Variants in TEX9 observed in about 807,000 individuals in gnomAD.
TEX9 encodes testis-expressed protein 9.
In TEX9, 74 loss-of-function variants were observed where a neutral mutation model predicts 59.6. The ratio of observed to expected loss-of-function variants is 1.24; its 90% CI spans 1.03 to 1.51. The LOEUF (loss-of-function observed/expected upper bound fraction) is 1.51. Among genes scored for constraint, TEX9 ranks in the 40% most tolerant of loss-of-function variants. TEX9 has a pLI of 0.00. For synonymous variants in TEX9, 186 were observed against 152.2 expected (o/e 1.22, Z -1.64); for missense variants, 522 against 447.8 (o/e 1.17, Z -1.49).
intron 1 of TEX9, among the ~76,000 whole-genome samples, chr15:56,275,232 C>T (rs1400991327): frequency 6.6e-6 from 1 of 152,174 alleles, no homozygotes; most frequent in Non-Finnish European, 1.5e-5. Flanking sequence ...TCACTTGTGG[C>T]CTAGGGATGA....
intron 1 of TEX9, among the ~76,000 whole-genome samples, chr15:56,280,104 C>T (rs555536281): frequency 6.6e-6 from 1 of 152,332 alleles, no homozygotes; most frequent in South Asian, 2.1e-4. Flanking sequence ...CCATTTAAGG[C>T]AGGCAATGCT....
intron 6 of TEX9, among the ~76,000 whole-genome samples, chr15:56,390,705 G>A (rs2048167768): frequency 6.6e-6 from 1 of 151,838 alleles, no homozygotes; most frequent in Non-Finnish European, 1.5e-5. Flanking sequence ...TGTTTCTTTG[G>A]GTGGAAAAAA....
intron 1 of TEX9, among the ~76,000 whole-genome samples, chr15:56,266,612 T>A (rs2044389932): frequency 6.6e-6 from 1 of 152,114 alleles, no homozygotes; most frequent in Non-Finnish European, 1.5e-5. Flanking sequence ...TTGCTCAGAA[T>A]GATGGTTTCC....
chr15:56,422,258 AT>A (rs2050015313), intron 10 of TEX9, among the ~76,000 whole-genome samples: 1 of 151,846 alleles, frequency 6.6e-6, no homozygotes, highest in African/African-American at 2.4e-5. Context: ...AATTAAAAAA[AT>A]AATAAAATAA....
upstream of TEX9, among the ~76,000 whole-genome samples, chr15:56,363,856 T>G (rs1437885326): frequency 6.6e-6 from 1 of 150,858 alleles, no homozygotes; most frequent in Non-Finnish European, 1.5e-5. Flanking sequence ...TTTCCTTTTT[T>G]TTTTTTTGTA....
chr15:56,395,175 A>T (rs543051496), intron 9 of TEX9: 2 of 267,808 alleles, frequency 7.5e-6, no homozygotes, highest in Non-Finnish European at 6.9e-6. Flanking sequence ...ATTCTATTTT[A>T]TGTCTCAATA....
exon 11 of TEX9, chr15:56,427,614 A>T (rs769903374): frequency 2.6e-6 from 4 of 1,532,868 alleles, no homozygotes; most frequent in Non-Finnish European, 3.5e-6. Flanking sequence ...GGACATAGCA[A>T]ATGAAGAACA....
intron 10 of TEX9, among the ~76,000 whole-genome samples, chr15:56,419,127 A>G (rs1397264516): frequency 3.3e-5 from 5 of 151,690 alleles, no homozygotes; most frequent in Non-Finnish European, 7.4e-5. Context: ...TTTTTTTTCA[A>G]ACTTATCTCT....
chr15:56,460,009 A>ATAC, the TEX9 span, among the ~76,000 whole-genome samples: 50 of 26,386 alleles, frequency 1.9e-3, no homozygotes, highest in South Asian at 3.0e-3. Context: ...AAAAAAAAAA[A>ATAC]ATACATATAT....
At chr15:56,446,361 C>T (rs2050902969), downstream of TEX9, among the ~76,000 whole-genome samples, 1 of 151,864 alleles carries the variant, frequency 6.6e-6, no homozygotes, top group African/African-American at 2.4e-5. Flanking sequence ...AAGAGTAACT[C>T]TTATCTTCAA....
intron 3 of TEX9, among the ~76,000 whole-genome samples, chr15:56,378,562 G>T (rs1040980363): frequency 2.4e-4 from 37 of 151,838 alleles, no homozygotes; most frequent in Non-Finnish European, 5.1e-4. Context: ...ATTGTCAGTT[G>T]TAATGCCTCC....
rs113144784 is a variant in TEX9, at chr15:56,406,465, G to T, written c.829-5837G>T. Among the ~76,000 whole-genome samples the T allele has an allele frequency of 9.8e-3, 1,492 of 152,256 alleles. 20 individuals carry two copies. Among genetic ancestry groups the T allele is most frequent in the African/African-American group, 0.034 (1,408 of 41,562 alleles). On this transcript the variant is annotated intron_variant, in intron 9 of 12. Transcript: ENST00000352903. ...CGTTTTTATGTATACCAAATACTTA[G>T]GAGTGGAATTTGTGAATTTTATGGA... is the stretch of plus-strand genomic sequence containing the variant.
the TEX9 span, chr15:56,456,447 C>T: frequency 6.2e-7 from 1 of 1,612,046 alleles, no homozygotes; most frequent in Non-Finnish European, 8.5e-7. Context: ...TTTCATGTTT[C>T]AGTTTTGCCA....
At position 56,296,099 on chromosome 15, in the gene TEX9, C is replaced by T. The variant is rs910348555; in HGVS notation, c.-107+51821C>T. The stretch of plus-strand genomic sequence containing the variant: ...CAATCCTATAAGTGGATCAGTTCCT[C>T]CTTCTGTTCCATCTTAAATTCAAGT... On this transcript the variant is annotated intron_variant, in intron 1 of 5. Transcript: ENST00000560827. Among the ~76,000 whole-genome samples, 3 of 152,188 alleles carry T rather than the reference C, an allele frequency of 2.0e-5. 1 individual carries two copies. Among genetic ancestry groups the T allele is most frequent in the Non-Finnish European group, 2.9e-5 (2 of 68,034 alleles).
At chr15:56,394,464 G>C (rs1438403931) in intron 8 of TEX9, 197 bp from the exon 9 acceptor site, 17 of 625,072 alleles carry the variant, frequency 2.7e-5, no homozygotes, top group Non-Finnish European at 4.3e-5. Flanking sequence ...CTCTATATTA[G>C]TCTTACAAAT....
intron 7 of TEX9, 102 bp downstream of exon 7, chr15:56,391,520 T>C: frequency 1.3e-6 from 1 of 768,214 alleles, no homozygotes; most frequent in Non-Finnish European, 1.9e-6. Flanking sequence ...TGTATTGTGA[T>C]GTCTTGGTTT....
chr15:56,261,771 A>G (rs2044275217), intron 1 of TEX9, among the ~76,000 whole-genome samples: 1 of 152,132 alleles, frequency 6.6e-6, no homozygotes, highest in African/African-American at 2.4e-5. Flanking sequence ...GAGACTGGCT[A>G]GCAAGAAGAG....
chr15:56,256,989 C>T (rs1235386385), intron 1 of TEX9, among the ~76,000 whole-genome samples: 1 of 151,956 alleles, frequency 6.6e-6, no homozygotes, highest in African/African-American at 2.4e-5. Context: ...CTCTATGTGT[C>T]CATGTGTTCT....
At chr15:56,278,803 G>GT (rs5812832) in intron 1 of TEX9, among the ~76,000 whole-genome samples, 70,088 of 148,256 alleles carry the variant, frequency 0.47, 16,982 homozygotes, top group Non-Finnish European at 0.55. Context: ...AGAGATCCAC[G>GT]TTTTTTTTTT....
Sources: gnomAD v4.1 joint callset for allele counts (sites outside exome capture counted in the v4.1 genomes callset) on GRCh38, gnomAD v4.1.1 for gene constraint, MANE v1.5 for transcripts, NCBI Gene and HGNC (gene_info 2026-07-23, HGNC 2026-07-21) for gene names.